UFSP2: variants seen among roughly 807,000 people sequenced by gnomAD.
The protein encoded by UFSP2 is UFM1 specific peptidase 2.
In UFSP2, 43 loss-of-function variants were observed where a neutral mutation model predicts 60.2. The observed-to-expected ratio is 0.71, with a 90% CI of 0.56 to 0.92. UFSP2 has a LOEUF of 0.92. UFSP2 is among the 40% of genes least tolerant of loss of function. UFSP2 has a pLI of 0.00. For missense variants in UFSP2, 520 were observed against 575.0 expected (o/e 0.90, Z 0.98); for synonymous variants, 183 against 195.1 (o/e 0.94, Z 0.52).
At chr4:185,402,174 G>A (rs2095514060) in intron 11 of UFSP2, 1 of 347,884 alleles carries the variant, frequency 2.9e-6, no homozygotes, top group Non-Finnish European at 5.8e-6. Context: ...TTTAGCTCCC[G>A]AAAAACCTCG....
At chr4:185,411,607 G>C (rs915051460) in intron 7 of UFSP2, among the ~76,000 whole-genome samples, 1 of 152,132 alleles carries the variant, frequency 6.6e-6, no homozygotes, top group Non-Finnish European at 1.5e-5. Context: ...TGAGAGATTT[G>C]TGCCAAAGTA....
Position 185,418,462 on chromosome 4 carries a change from CTTCT to C in UFSP2, c.308_311del (p.Lys103ArgfsTer11). ...TTACCATGTCTGATAACTTTTTGTC[CTTCT>C]TTCTCATGAATTTTCTTTTTATATC... On this transcript the variant is annotated frameshift_variant, in exon 4 of 12. Coordinates refer to ENST00000264689, the MANE Select transcript of UFSP2 (RefSeq NM_018359.5). LOFTEE classifies it high-confidence loss of function. The C allele has an allele frequency of 1.2e-6, 2 of 1,609,654 alleles. No individual in the cohort carries two copies. Among genetic ancestry groups the C allele is most frequent in the Non-Finnish European group, 1.7e-6 (2 of 1,176,948 alleles).
At chr4:185,411,391 T>C (rs2095529076) in intron 7 of UFSP2, among the ~76,000 whole-genome samples, 1 of 151,926 alleles carries the variant, frequency 6.6e-6, no homozygotes, top group Non-Finnish European at 1.5e-5. Context: ...AAAAGGAACA[T>C]TAACCTAACT....
chr4:185,407,794 G>T, intron 9 of UFSP2, 142 bp downstream of exon 9: 1 of 908,408 alleles, frequency 1.1e-6, no homozygotes, highest in Non-Finnish European at 1.5e-6. Flanking sequence ...TAAAAAATGA[G>T]ATTTATAAAG....
At chr4:185,415,514 T>C (rs13123574) in intron 5 of UFSP2, among the ~76,000 whole-genome samples, 167 bp from the exon 6 acceptor site, 5,041 of 152,300 alleles carry the variant, frequency 0.033, 101 homozygotes, top group Middle Eastern at 0.071. Context: ...TTGCTCTTTG[T>C]GGATAAAGGG....
In UFSP2 at chr4:185,408,069, A is replaced by G. The variant is rs199788806; in HGVS notation, c.997-9T>C. ...CCGGCATCGACTAGAGCCTTGATGT[A>G]TTTAAAAATATAAAACATCCATACA... On this transcript the variant is annotated splice_polypyrimidine_tract_variant and intron_variant, in intron 8 of 11. Coordinates refer to ENST00000264689, the MANE Select transcript of UFSP2 (RefSeq NM_018359.5). 3.7e-6 allele frequency: 6 copies of G among 1,611,850 alleles called. No homozygotes were observed. The African/African-American group carries it at 6.7e-5, about 18-fold the overall frequency.
At chr4:185,417,333 A>G (rs1315090664) in intron 4 of UFSP2, among the ~76,000 whole-genome samples, 2 of 152,186 alleles carry the variant, frequency 1.3e-5, no homozygotes, top group African/African-American at 4.8e-5. Flanking sequence ...CCAGCCCACA[A>G]TTATTTTATG....
At chr4:185,402,458 CAG>C in intron 11 of UFSP2, 1 of 362,918 alleles carries the variant, frequency 2.8e-6, no homozygotes, top group South Asian at 2.2e-5. Context: ...GAGGATATAA[CAG>C]AGTTGGACTA....
At chr4:185,423,055 C>A (rs2095552434) in intron 1 of UFSP2, among the ~76,000 whole-genome samples, 1 of 152,194 alleles carries the variant, frequency 6.6e-6, no homozygotes, top group Admixed American at 6.5e-5. Context: ...GACGGGATCT[C>A]AGAATATTGG....
intron 7 of UFSP2, among the ~76,000 whole-genome samples, chr4:185,408,930 T>C (rs1370653954): frequency 2.0e-5 from 3 of 152,206 alleles, no homozygotes; most frequent in Non-Finnish European, 4.4e-5. Flanking sequence ...TCTTTATGTT[T>C]TTATTTTTCA....
chr4:185,413,652 T>C, intron 7 of UFSP2, 74 bp downstream of exon 7: 1 of 1,401,382 alleles, frequency 7.1e-7, no homozygotes, highest in Non-Finnish European at 9.7e-7. Flanking sequence ...TCAAGTCTCC[T>C]ACTGGGTACC....
rs761018987 is a variant in UFSP2 at position 185,425,888 on chromosome 4, C to T, written c.-20G>A. The T allele has an allele frequency of 1.9e-6, 3 of 1,598,532 alleles. No individual in the cohort carries two copies. The African/African-American group carries it at 4.0e-5, about 21-fold the overall frequency. ...CACCATGTCCGCGACGTGGCGGTGA[C>T]ACGGGCGCTGACGCCTGCCCAAAAG... is the stretch of plus-strand genomic sequence containing the variant. On this transcript the variant is annotated 5_prime_UTR_variant, in exon 1 of 12. Coordinates refer to ENST00000264689, the MANE Select transcript of UFSP2 (RefSeq NM_018359.5).
chr4:185,421,509 C>G (rs2095549298), intron 2 of UFSP2, among the ~76,000 whole-genome samples: 1 of 152,096 alleles, frequency 6.6e-6, no homozygotes, highest in African/African-American at 2.4e-5. Context: ...TTTAAAAGAG[C>G]CTGGCACCTC....
chr4:185,407,826 GA>G, intron 9 of UFSP2, 109 bp downstream of exon 9: 1 of 1,206,030 alleles, frequency 8.3e-7, no homozygotes, highest in Non-Finnish European at 1.1e-6. Flanking sequence ...AAGGAAGAAG[GA>G]AAAGGAATAA....
intron 10 of UFSP2, among the ~76,000 whole-genome samples, 192 bp from the exon 11 acceptor site, chr4:185,403,810 T>TA (rs1331159008): frequency 6.6e-6 from 1 of 151,212 alleles, no homozygotes; most frequent in African/African-American, 2.4e-5. Flanking sequence ...CTGTCTCTAC[T>TA]AAAAAAATAC....
At chr4:185,423,100 C>T (rs956464103) in intron 1 of UFSP2, among the ~76,000 whole-genome samples, 4 of 152,200 alleles carry the variant, frequency 2.6e-5, no homozygotes, top group African/African-American at 9.7e-5. Flanking sequence ...CTCAAGTGAT[C>T]CGCCTGTCTC....
In UFSP2 at chr4:185,400,028, G is replaced by A. The variant is rs1013758866; in HGVS notation, c.*364C>T. On this transcript the variant is annotated 3_prime_UTR_variant, in exon 12 of 12. Transcript: ENST00000264689. ...GTTTTTAAAAACAGATGTCACGTGGGTTATGAAGAAGTCTGAAGAACGCCT... is the reference window on the plus strand; with the variant it reads ...GTTTTTAAAAACAGATGTCACGTGGATTATGAAGAAGTCTGAAGAACGCCT... 1.3e-6 allele frequency: 2 copies of A among 1,598,340 alleles called. No individual in the cohort carries two copies. The highest frequency in any genetic ancestry group is 1.8e-5 in the Admixed American group (1 of 56,936).
intron 4 of UFSP2, 92 bp from the exon 5 acceptor site, chr4:185,415,959 A>G: frequency 8.8e-7 from 1 of 1,134,124 alleles, no homozygotes; most frequent in Non-Finnish European, 1.2e-6. Flanking sequence ...TGTATTTATT[A>G]TTAAGAAAAA....
rs758328018 is a variant in UFSP2 at position 185,400,114 on chromosome 4, CCTT to C, written c.*275_*277del. Reference sequence around the variant, plus strand: ...CTTTACCATATGTTGTGTCTAATCTCCTTCTGAGAAGGACGAAAAACTTTCTTC... The same window carrying C: ...CTTTACCATATGTTGTGTCTAATCTCCTGAGAAGGACGAAAAACTTTCTTC... On this transcript the variant is annotated 3_prime_UTR_variant, in exon 12 of 12. Transcript: ENST00000264689. 1.2e-5 allele frequency: 14 copies of C among 1,200,186 alleles called. No individual in the cohort carries two copies. In the East Asian group the frequency reaches 2.1e-4, roughly 18 times the overall value. The allele number at this position is 1,200,186 out of a possible 1,614,324, so 74.3% of individuals were successfully genotyped here.
Sources: gnomAD v4.1 joint callset for allele counts (sites outside exome capture counted in the v4.1 genomes callset) on GRCh38, gnomAD v4.1.1 for gene constraint, MANE v1.5 for transcripts, NCBI Gene and HGNC (gene_info 2026-07-23, HGNC 2026-07-21) for gene names.